Variants in SMARCA2 observed in about 807,000 individuals in gnomAD.
SMARCA2 encodes the protein SWI/SNF related BAF chromatin remodeling complex subunit ATPase 2.
A neutral mutation model predicts 199.8 loss-of-function variants in SMARCA2; 61 were observed. That is an observed-to-expected ratio of 0.31 (90% CI 0.25 to 0.38). SMARCA2 has a LOEUF of 0.38. SMARCA2 is among the 10% of genes least tolerant of loss of function. The pLI, the probability that SMARCA2 is intolerant of heterozygous loss-of-function variation, is 1.00. For missense variants in SMARCA2, 1,344 were observed against 2,012.2 expected (o/e 0.67, Z 6.35); for synonymous variants, 935 against 732.0 (o/e 1.28, Z -4.48).
At chr9:2,180,448 A>AAAAC (rs1271750462) in intron 29 of SMARCA2, among the ~76,000 whole-genome samples, 1 of 152,218 alleles carries the variant, frequency 6.6e-6, no homozygotes. Flanking sequence ...ACTGTGGATT[A>AAAAC]AAACAGCATG....
intron 32 of SMARCA2, among the ~76,000 whole-genome samples, chr9:2,188,388 AGCGACTCTTTCCCAACGTCATTTTCTATT>A (rs1198287440): frequency 1.5e-4 from 23 of 151,886 alleles, no homozygotes. Context: ...AACATACATA[AGCGACTCTTTCCCAACGTCATTTTCTATT>A]ATCTATATTC....
intron 19 of SMARCA2, among the ~76,000 whole-genome samples, chr9:2,089,824 C>T (rs529837160): frequency 6.6e-6 from 1 of 152,172 alleles, no homozygotes; most frequent in Non-Finnish European, 1.5e-5. Context: ...TGAATTACTT[C>T]CTAGCATACA....
chr9:2,032,932 A>G lies in SMARCA2; in HGVS notation c.226-20A>G, dbSNP rs149279147. The G allele has an allele frequency of 7.4e-5, 119 of 1,610,836 alleles. No individual in the cohort carries two copies. The African/African-American group carries it at 1.4e-3, about 19-fold the overall frequency. On this transcript the variant is annotated intron_variant, in intron 2 of 33. Coordinates refer to ENST00000349721, the MANE Select transcript of SMARCA2 (RefSeq NM_003070.5). The stretch of plus-strand genomic sequence containing the variant: ...TTTACCTTATAGAGGTGTCTAACTA[A>G]TGTCCTTTAAATGTTTCAGCCCATC...
chr9:2,166,361 T>C (rs955021063), intron 28 of SMARCA2, among the ~76,000 whole-genome samples: 7 of 152,286 alleles, frequency 4.6e-5, no homozygotes, highest in African/African-American at 1.4e-4. Flanking sequence ...GTTTACTTTT[T>C]CCAGCAACCT....
At chr9:2,173,699 C>T (rs1165092177) in intron 29 of SMARCA2, among the ~76,000 whole-genome samples, 3 of 152,112 alleles carry the variant, frequency 2.0e-5, no homozygotes, top group Non-Finnish European at 4.4e-5. Context: ...TCTAGCCTTC[C>T]TACTCCTTCT....
At chr9:2,184,849 CCT>C (rs57873443) in intron 31 of SMARCA2, among the ~76,000 whole-genome samples, 8 of 151,038 alleles carry the variant, frequency 5.3e-5, no homozygotes, top group Non-Finnish European at 8.8e-5. Context: ...ATGGTCCCAT[CCT>C]CTCTCTCTCT....
intron 32 of SMARCA2, 116 bp from the exon 33 acceptor site, chr9:2,191,150 G>A (rs1178024584): frequency 9.9e-7 from 1 of 1,013,432 alleles, no homozygotes; most frequent in African/African-American, 1.6e-5. Flanking sequence ...AACCGGGAAT[G>A]TTCTGGGCAC....
In SMARCA2 at chr9:2,169,644, C is replaced by T. The variant is rs1260846827; in HGVS notation, c.4200-775C>T. ...ACATGGACAGGCACAGGCTGTGAATCCCAAAGGGTGCTGTCTACACCTGGA... is the reference window on the plus strand; with the variant it reads ...ACATGGACAGGCACAGGCTGTGAATTCCAAAGGGTGCTGTCTACACCTGGA... On this transcript the variant is annotated intron_variant, in intron 28 of 33. Coordinates refer to ENST00000349721, the MANE Select transcript of SMARCA2 (RefSeq NM_003070.5). The surrounding 1 kb of genome is among the most constrained non-coding windows in gnomAD (Gnocchi z 6.5). Among the ~76,000 whole-genome samples, 1 of 152,032 alleles carries T rather than the reference C, an allele frequency of 6.6e-6. No homozygotes were observed. Among genetic ancestry groups the T allele is most frequent in the East Asian group, 1.9e-4 (1 of 5,184 alleles).
In SMARCA2 at chr9:2,115,936, A is replaced by T; in HGVS notation, c.3571A>T (p.Lys1191Ter). 6.2e-7 allele frequency: 1 copy of T among 1,614,094 alleles called. No individual in the cohort carries two copies. Among genetic ancestry groups the T allele is most frequent in the Non-Finnish European group, 8.5e-7 (1 of 1,180,006 alleles). ...EEKILAAAKYKLNVDQKVIQA... is the reference protein window; with the variant it reads ...EEKILAAAKY Reference sequence around the variant, plus strand: ...AAAGATCCTCGCGGCCGCAAAATACAAGCTGAACGTGGATCAGAAAGTGAT... The same window carrying T: ...AAAGATCCTCGCGGCCGCAAAATACTAGCTGAACGTGGATCAGAAAGTGAT... Residue 1191 changes from lysine to a stop codon, truncating the protein, a stop_gained, in exon 25 of 34, where the codon AAG becomes TAG. Coordinates refer to ENST00000349721, the MANE Select transcript of SMARCA2 (RefSeq NM_003070.5). LOFTEE classifies it high-confidence loss of function. This position sits in a 1 kb window ranked among gnomAD's most constrained non-coding sequence, Gnocchi z 6.0.
intron 1 of SMARCA2, among the ~76,000 whole-genome samples, chr9:2,026,777 C>T (rs1818850136): frequency 6.6e-6 from 1 of 152,110 alleles, no homozygotes; most frequent in South Asian, 2.1e-4. Flanking sequence ...CTTGTAGTAG[C>T]CCTGAATCGA....
intron 19 of SMARCA2, among the ~76,000 whole-genome samples, chr9:2,090,507 G>A (rs1822007507): frequency 1.3e-5 from 2 of 152,150 alleles, no homozygotes; most frequent in African/African-American, 4.8e-5. Flanking sequence ...GGGTCTTAGT[G>A]TTCTCATCAG....
Position 2,170,568 on chromosome 9 carries a change from T to C in SMARCA2, c.4253+96T>C, listed in dbSNP as rs1385974922. 6.3e-6 allele frequency: 10 copies of C among 1,596,078 alleles called. No homozygotes were observed. The highest frequency in any genetic ancestry group is 8.6e-6 in the Non-Finnish European group (10 of 1,168,866). ...ATATAATCGGCCTTTGGAAGCAAATTTCTTCGGTCACCTCCTGATCACCCC... is the reference window on the plus strand; with the variant it reads ...ATATAATCGGCCTTTGGAAGCAAATCTCTTCGGTCACCTCCTGATCACCCC... On this transcript the variant is annotated intron_variant, in intron 29 of 33. Transcript: ENST00000349721. This position sits in a 1 kb window ranked among gnomAD's most constrained non-coding sequence, Gnocchi z 4.7.
intron 2 of SMARCA2, among the ~76,000 whole-genome samples, chr9:2,029,896 A>G (rs1455445423): frequency 6.6e-6 from 1 of 152,204 alleles, no homozygotes; most frequent in African/African-American, 2.4e-5. Context: ...TGCTGTGGGG[A>G]TGATCATATC....
At chr9:2,124,831 A>T (rs181964203) in intron 27 of SMARCA2, among the ~76,000 whole-genome samples, 99 of 152,290 alleles carry the variant, frequency 6.5e-4, no homozygotes, top group African/African-American at 2.3e-3. Flanking sequence ...GGTTAGCTCT[A>T]CTTCCCATTT....
rs543995757 is a variant in SMARCA2 at position 2,120,515 on chromosome 9, C to A, written c.3762+980C>A. Among the ~76,000 whole-genome samples the A allele has an allele frequency of 2.8e-4, 43 of 152,302 alleles. 1 individual carries two copies. Among genetic ancestry groups the A allele is most frequent in the East Asian group, 2.7e-3 (14 of 5,184 alleles). On this transcript the variant is annotated intron_variant, in intron 26 of 33. Transcript: ENST00000349721. ...TCCAACTTTTTAAGTTATTATATAA[C>A]ACTGCATGCCAAACAAAACACAACT... is the stretch of plus-strand genomic sequence containing the variant.
chr9:2,083,226 G>T, intron 15 of SMARCA2, 121 bp from the exon 16 acceptor site: 1 of 522,232 alleles, frequency 1.9e-6, no homozygotes, highest in African/African-American at 2.0e-5. Flanking sequence ...ATCTTGTTGA[G>T]ATATGTTATA....
intron 16 of SMARCA2, among the ~76,000 whole-genome samples, chr9:2,083,767 G>A (rs772356525): frequency 2.0e-5 from 3 of 152,244 alleles, no homozygotes; most frequent in Non-Finnish European, 4.4e-5. Flanking sequence ...GCCCGGGGCT[G>A]CCTGCTGTAC....
At chr9:2,153,399 G>A (rs1825182086) in intron 27 of SMARCA2, among the ~76,000 whole-genome samples, 2 of 152,072 alleles carry the variant, frequency 1.3e-5, no homozygotes, top group Non-Finnish European at 2.9e-5. Context: ...CAGGCATGGT[G>A]GTGTGCGCCT....
chr9:2,170,503 T>G lies in SMARCA2; in HGVS notation c.4253+31T>G. On this transcript the variant is annotated intron_variant, in intron 29 of 33. Transcript: ENST00000349721. The surrounding 1 kb of genome is among the most constrained non-coding windows in gnomAD (Gnocchi z 4.7). Reference sequence around the variant, plus strand: ...GATCTGTCTTGTATTCCCCTATCTCTAAATACAGGTATCCCTCGTTACGTG... The same window carrying G: ...GATCTGTCTTGTATTCCCCTATCTCGAAATACAGGTATCCCTCGTTACGTG... 6.2e-7 allele frequency: 1 copy of G among 1,613,762 alleles called. No individual in the cohort carries two copies. Among genetic ancestry groups the G allele is most frequent in the East Asian group, 2.2e-5 (1 of 44,880 alleles).
Sources: allele counts gnomAD v4.1 joint callset (sites outside exome capture counted in the v4.1 genomes callset), GRCh38; gene constraint gnomAD v4.1.1; non-coding constraint Gnocchi (gnomAD v3.1); transcripts MANE v1.5; gene names NCBI Gene and HGNC (gene_info 2026-07-23, HGNC 2026-07-21).